Variants in IQSEC2 observed in about 807,000 individuals in gnomAD.
The protein encoded by IQSEC2 is IQ motif and SEC7 domain-containing protein 2.
In IQSEC2, 6 loss-of-function variants were observed where a neutral mutation model predicts 74.6. That is an observed-to-expected ratio of 0.08 (90% CI 0.04 to 0.16). The LOEUF is 0.16. Ranked by LOEUF, IQSEC2 falls within the 10% of genes least tolerant of loss-of-function variation. The pLI is 1.00. For synonymous variants in IQSEC2, 494 were observed against 544.5 expected, an observed-to-expected ratio of 0.91 and a Z score of 1.29; for missense variants, 734 against 1,306.2, an observed-to-expected ratio of 0.56 and a Z score of 6.75.
At chrX:53,268,594 C>G (rs1247856622) in intron 2 of IQSEC2, among the ~76,000 whole-genome samples, 2 of 111,652 alleles carry the variant, frequency 1.8e-5, no homozygotes, top group Non-Finnish European at 3.8e-5. Context: ...CCCCCTAACA[C>G]TGCAGTCACC....
chrX:53,270,334 C>T (rs1281899505), intron 2 of IQSEC2, among the ~76,000 whole-genome samples: 2 of 111,244 alleles, frequency 1.8e-5, no homozygotes, highest in African/African-American at 6.6e-5. Context: ...ATCTTCTACT[C>T]CTCTCACTCC....
At chrX:53,267,478 G>A (rs951235873) in intron 2 of IQSEC2, among the ~76,000 whole-genome samples, 4 of 112,208 alleles carry the variant, frequency 3.6e-5, no homozygotes, top group Non-Finnish European at 7.5e-5. Context: ...TAGATAACTT[G>A]CTCTAGGTCA....
At chrX:53,284,762 G>A (rs1266919648) in intron 2 of IQSEC2, among the ~76,000 whole-genome samples, 1 of 112,132 alleles carries the variant, frequency 8.9e-6, no homozygotes, top group Non-Finnish European at 1.9e-5. Context: ...GGTCACACAT[G>A]GTGGGGGGAC....
chrX:53,284,976 C>G (rs1389344295), intron 2 of IQSEC2, among the ~76,000 whole-genome samples: 2 of 112,494 alleles, frequency 1.8e-5, no homozygotes, highest in Admixed American at 1.9e-4. Flanking sequence ...CCCGATAAAC[C>G]TTCTGCTCCC....
At chrX:53,260,308 T>C (rs1556866246) in intron 2 of IQSEC2, among the ~76,000 whole-genome samples, 1 of 111,329 alleles carries the variant, frequency 9.0e-6, no homozygotes, top group East Asian at 2.8e-4. Context: ...GAACTGTGTC[T>C]GGCATGTTCG....
intron 1 of IQSEC2, among the ~76,000 whole-genome samples, chrX:53,304,134 C>CA (rs1299610630): frequency 2.5e-3 from 166 of 67,655 alleles, no homozygotes; most frequent in African/African-American, 3.6e-3. Flanking sequence ...GACTCTGTCT[C>CA]AAAAAAAAAA....
At position 53,291,941 on chromosome X, in the gene IQSEC2, GA is replaced by G. The variant is rs782120447; in HGVS notation, c.708-18del. 3 of 1,162,296 alleles carry G rather than the reference GA, an allele frequency of 2.6e-6. No homozygotes were observed. Among genetic ancestry groups the G allele is most frequent in the Non-Finnish European group, 3.5e-6 (3 of 868,677 alleles). ...CCATCAGATCTGAAAGGGAAACAGAGAAAAAAAACCAAAACGGTCAGTATAC... is the reference window on the plus strand; with the variant it reads ...CCATCAGATCTGAAAGGGAAACAGAGAAAAAAACCAAAACGGTCAGTATAC... On this transcript the variant is annotated intron_variant, in intron 1 of 14. Coordinates refer to ENST00000642864, the MANE Select transcript of IQSEC2 (RefSeq NM_001111125.3).
chrX:53,291,927 G>A lies in IQSEC2; in HGVS notation c.708-3C>T, dbSNP rs781873807. On this transcript the variant is annotated splice_polypyrimidine_tract_variant and splice_region_variant and intron_variant, in intron 1 of 14. Transcript: ENST00000642864. ...TTCTGGAATTCTCACCATCAGATCT[G>A]AAAGGGAAACAGAGAAAAAAAACCA... is the stretch of plus-strand genomic sequence containing the variant. 1.2e-5 allele frequency: 14 copies of A among 1,164,030 alleles called. No homozygotes were observed. The highest frequency in any genetic ancestry group is 1.0e-5 in the Non-Finnish European group (9 of 871,007).
At position 53,241,871 on chromosome X, in the gene IQSEC2, G is replaced by A. The variant is rs1556860928; in HGVS notation, c.2928C>T (p.Cys976=). The change falls in exon 10 of 15, where the codon TGC becomes TGT. Residue 976 remains cysteine, a synonymous_variant. Transcript: ENST00000642864. ...TTGGATCTGGCACCTCGTAGAGCTG[G>A]CAGCAGCAAACCAGTCGACGGTGAG... ...SLPHRRLVCC[C]QLYEVPDPNR... is the part of the protein sequence containing the mutation. The A allele has an allele frequency of 8.3e-7, 1 of 1,208,895 alleles. No individual in the cohort carries two copies. The highest frequency in any genetic ancestry group is 1.1e-6 in the Non-Finnish European group (1 of 894,565).
At position 53,320,575 on chromosome X, in the gene IQSEC2, C is replaced by T; in HGVS notation, c.549G>A (p.Glu183=). 2 of 1,155,489 alleles carry T rather than the reference C, an allele frequency of 1.7e-6. No individual in the cohort carries two copies. The highest frequency in any genetic ancestry group is 2.3e-6 in the Non-Finnish European group (2 of 868,421). ...CCGCCGCCGAATAGCCCGCTTCCTT[C>T]TCGCGGCCCGGGTGCGCCGGCCCGG... The part of the protein sequence containing the change: ...REAGPAHPGR[E]KEAGYSAAVG... Residue 183 remains glutamate (E), a synonymous_variant, in exon 1 of 15, where the codon GAG becomes GAA. Transcript: ENST00000642864.
At chrX:53,283,660 C>G (rs2074997705) in intron 2 of IQSEC2, among the ~76,000 whole-genome samples, 1 of 111,583 alleles carries the variant, frequency 9.0e-6, no homozygotes, top group South Asian at 3.8e-4. Flanking sequence ...AGATGATGAC[C>G]CACCAGAGGC....
intron 2 of IQSEC2, among the ~76,000 whole-genome samples, chrX:53,280,060 G>A (rs1374221629): frequency 4.5e-5 from 5 of 109,893 alleles, no homozygotes; most frequent in African/African-American, 1.7e-4. Flanking sequence ...CGAAAGAGCC[G>A]GGCTGGGCCT....
At chrX:53,269,413 C>T (rs782660477) in intron 2 of IQSEC2, among the ~76,000 whole-genome samples, 1 of 110,902 alleles carries the variant, frequency 9.0e-6, no homozygotes, top group East Asian at 2.8e-4. Context: ...CATTTAGGGC[C>T]AGTCTCTCCA....
intron 2 of IQSEC2, among the ~76,000 whole-genome samples, chrX:53,265,304 A>C (rs1469228782): frequency 9.1e-6 from 1 of 110,391 alleles, no homozygotes; most frequent in East Asian, 2.9e-4. Context: ...TGTGATAGAG[A>C]TGCTGAAGGG....
intron 2 of IQSEC2, chrX:53,279,678 CAGAGAGAGACAG>C (rs1556870353): frequency 4.2e-6 from 4 of 956,491 alleles, no homozygotes; most frequent in Non-Finnish European, 5.9e-6. Context: ...CAGCAAGAGA[CAGAGAGAGACAG>C]AGAGAGAGAC....
chrX:53,244,593 C>T (rs1173552535), intron 8 of IQSEC2, among the ~76,000 whole-genome samples: 2 of 108,017 alleles, frequency 1.9e-5, no homozygotes, highest in African/African-American at 6.8e-5. Context: ...TAAATTTTAA[C>T]AATAGAGGAT....
rs186049559 is a variant in IQSEC2 at position 53,288,329 on chromosome X, T to G, written c.737+3566A>C. Among the ~76,000 whole-genome samples the G allele has an allele frequency of 8.3e-3, 933 of 111,910 alleles. 9 individuals carry two copies. Among genetic ancestry groups the G allele is most frequent in the African/African-American group, 0.029 (894 of 30,775 alleles). ...CTCCTCCTCCCACTTCTCCTCCAACTGCAGTGGCTCCCGTTGCCATAGGGA... is the reference window on the plus strand; with the variant it reads ...CTCCTCCTCCCACTTCTCCTCCAACGGCAGTGGCTCCCGTTGCCATAGGGA... On this transcript the variant is annotated intron_variant, in intron 2 of 14. Transcript: ENST00000642864.
At chrX:53,316,808 CT>C (rs2075378837) in intron 1 of IQSEC2, among the ~76,000 whole-genome samples, 2 of 106,034 alleles carry the variant, frequency 1.9e-5, no homozygotes, top group East Asian at 2.9e-4. Flanking sequence ...AGCAAGACCC[CT>C]GTCCCAAAAA....
chrX:53,318,778 C>T (rs138529686), intron 1 of IQSEC2, among the ~76,000 whole-genome samples: 2,317 of 112,874 alleles, frequency 0.021, 50 homozygotes, highest in African/African-American at 0.071. Context: ...ACAGGCCTGA[C>T]CCCTCTAGAA....
Sources: gnomAD v4.1 joint callset for allele counts (sites outside exome capture counted in the v4.1 genomes callset) on GRCh38, gnomAD v4.1.1 for gene constraint, MANE v1.5 for transcripts, NCBI Gene and HGNC (gene_info 2026-07-23, HGNC 2026-07-21) for gene names.